The following CACNA1C variants were observed in gnomAD, a reference collection of about 807,000 sequenced individuals.
CACNA1C encodes the protein calcium voltage-gated channel subunit alpha1 C, also known as voltage-dependent L-type calcium channel subunit alpha-1C.
A neutral mutation model predicts 229.0 loss-of-function variants in CACNA1C; 30 were observed. The ratio of observed to expected loss-of-function variants is 0.13; its 90% CI spans 0.10 to 0.18. The LOEUF (loss-of-function observed/expected upper bound fraction) is 0.18, where lower values mean the gene tolerates loss of function less well. CACNA1C is among the 10% of genes least tolerant of loss of function. CACNA1C has a pLI of 1.00. For missense variants in CACNA1C, 1,658 were observed against 2,845.0 expected (o/e 0.58, Z 9.49); for synonymous variants, 1,114 against 1,132.5 (o/e 0.98, Z 0.33).
At chr12:2,169,668 A>G (rs1597964196) in intron 3 of CACNA1C, among the ~76,000 whole-genome samples, 1 of 152,192 alleles carries the variant, frequency 6.6e-6, no homozygotes, top group African/African-American at 2.4e-5. Context: ...CACGGCTGGC[A>G]TTTGCCAGCC....
Position 2,619,398 on chromosome 12 carries a change from G to A in CACNA1C, c.3828+7385G>A, listed in dbSNP as rs568380510. On this transcript the variant is annotated intron_variant, in intron 29 of 46. Transcript: ENST00000399655. ...CAAAGGAACTTCACCTCCAGCCTGG[G>A]TGTGCCCTCTTGTCTGTGACCATTT... Among the ~76,000 whole-genome samples the A allele has an allele frequency of 5.9e-4, 90 of 152,324 alleles. 1 individual carries two copies. The highest frequency in any genetic ancestry group is 2.1e-3 in the African/African-American group (89 of 41,574).
In CACNA1C at chr12:2,610,688, C is replaced by T. The variant is rs1032468475; in HGVS notation, c.3706C>T (p.Leu1236=). The change falls in exon 28 of 47, where the codon CTG becomes TTG. Residue 1236 remains leucine (L), a synonymous_variant. Transcript: ENST00000399655. The stretch of plus-strand genomic sequence containing the variant: ...CCTCATCCTGCTCAACACCATCTGC[C>T]TGGCCATGCAGGTCAGTCCCAGGAG... The part of the protein sequence containing the change: ...FVLILLNTIC[L]AMQHYGQSCL... 6.2e-7 allele frequency: 1 copy of T among 1,614,232 alleles called. No individual in the cohort carries two copies.
intron 3 of CACNA1C, among the ~76,000 whole-genome samples, chr12:2,128,594 G>T (rs1275515399): frequency 6.6e-6 from 1 of 152,088 alleles, no homozygotes; most frequent in East Asian, 1.9e-4. Context: ...TGTATTTTTA[G>T]TAGAGACGGG....
chr12:2,278,302 C>G (rs549824531), intron 3 of CACNA1C, among the ~76,000 whole-genome samples: 92 of 152,338 alleles, frequency 6.0e-4, no homozygotes, highest in Non-Finnish European at 1.1e-3. Flanking sequence ...GCACATATTT[C>G]AACTGTATAC....
intron 3 of CACNA1C, among the ~76,000 whole-genome samples, chr12:2,229,854 G>A (rs1285785512): frequency 6.6e-6 from 1 of 152,194 alleles, no homozygotes; most frequent in Non-Finnish European, 1.5e-5. Flanking sequence ...GGGCGTTGCA[G>A]GCCACGGTGA....
intron 5 of CACNA1C, among the ~76,000 whole-genome samples, chr12:2,480,418 C>T (rs902998564): frequency 3.3e-5 from 5 of 152,220 alleles, no homozygotes. Flanking sequence ...TTCTTTAAGG[C>T]TCTTCACAGA....
At position 2,566,696 on chromosome 12, in the gene CACNA1C, G is replaced by T; in HGVS notation, c.1669+114G>T. The T allele has an allele frequency of 1.1e-6, 1 of 883,058 alleles. No homozygotes were observed. Among genetic ancestry groups the T allele is most frequent in the Non-Finnish European group, 1.7e-6 (1 of 584,840 alleles). The allele number at this position is 883,058 out of a possible 1,614,324, so 54.7% of individuals were successfully genotyped here. A position where few individuals can be genotyped will look rare whatever the true frequency, so the allele number is the denominator to read the frequency against. ...GAGGGGAAAGCAGCCAATGGTCGGG[G>T]CTCTTGGCAGGTGCTGTGCTGGAGA... On this transcript the variant is annotated intron_variant, in intron 12 of 46. Transcript: ENST00000399655. This position sits in a 1 kb window ranked among gnomAD's most constrained non-coding sequence, Gnocchi z 4.0.
At chr12:2,437,029 G>A (rs191586127) in intron 3 of CACNA1C, among the ~76,000 whole-genome samples, 4 of 152,346 alleles carry the variant, frequency 2.6e-5, no homozygotes, top group African/African-American at 7.2e-5. Flanking sequence ...GTGCTTTTGT[G>A]CTGGTATGCC....
chr12:2,625,461 G>GTGCTTCCGGCCC (rs1044175857), intron 29 of CACNA1C, among the ~76,000 whole-genome samples: 1 of 152,224 alleles, frequency 6.6e-6, no homozygotes, highest in African/African-American at 2.4e-5. Context: ...GGTGCTGCCA[G>GTGCTTCCGGCCC]TGCTTCCGGC....
chr12:2,646,791 T>TGTGTGTGTGCGC lies in CACNA1C; in HGVS notation c.3913-1674_3913-1663dup, dbSNP rs2094420612. ...GAAAGAGAGAGAGAGAGAGAGAGAG[T>TGTGTGTGTGCGC]GTGTGTGTGCGCGTGTGTGTGTCTG... On this transcript the variant is annotated intron_variant, in intron 30 of 46. Coordinates refer to ENST00000399655, the MANE Select transcript of CACNA1C (RefSeq NM_000719.7). The surrounding 1 kb of genome is among the most constrained non-coding windows in gnomAD (Gnocchi z 4.6). Among the ~76,000 whole-genome samples, 3 of 99,146 alleles carry TGTGTGTGTGCGC rather than the reference T, an allele frequency of 3.0e-5. No homozygotes were observed. Among genetic ancestry groups the TGTGTGTGTGCGC allele is most frequent in the Admixed American group, 1.1e-4 (1 of 9,064 alleles). 65.0% of individuals were successfully genotyped at this position (99,146 alleles called of 152,430 possible).
intron 3 of CACNA1C, among the ~76,000 whole-genome samples, chr12:2,278,549 G>T (rs2089853062): frequency 1.3e-5 from 2 of 152,098 alleles, no homozygotes. Context: ...TTATTTTGAG[G>T]TTTACACATG....
chr12:2,286,705 A>G (rs939371088), intron 3 of CACNA1C, among the ~76,000 whole-genome samples: 2 of 152,128 alleles, frequency 1.3e-5, no homozygotes, highest in Non-Finnish European at 1.5e-5. Context: ...GGAGACAAAC[A>G]AGAAACAATG....
intron 3 of CACNA1C, among the ~76,000 whole-genome samples, chr12:2,194,166 C>T (rs972164261): frequency 7.3e-5 from 11 of 150,928 alleles, no homozygotes; most frequent in African/African-American, 2.7e-4. Flanking sequence ...TAGTGCTTCT[C>T]CTCCTGTTCC....
At chr12:2,439,218 G>T (rs2099190554) in intron 3 of CACNA1C, among the ~76,000 whole-genome samples, 1 of 152,204 alleles carries the variant, frequency 6.6e-6, no homozygotes, top group South Asian at 2.1e-4. Context: ...GCAGGTGGCT[G>T]GCCTGGGTGG....
At chr12:2,470,877 T>C (rs1340191539) in intron 5 of CACNA1C, among the ~76,000 whole-genome samples, 1 of 151,894 alleles carries the variant, frequency 6.6e-6, no homozygotes, top group East Asian at 1.9e-4. Context: ...TCGATCTGTC[T>C]CCCAGGCTGC....
chr12:2,108,281 G>A lies in CACNA1C; in HGVS notation c.50-6943G>A, dbSNP rs1391490926. 6.6e-6 allele frequency among the ~76,000 whole-genome samples: 1 copy of A among 152,220 alleles called. No homozygotes were observed. The highest frequency in any genetic ancestry group is 1.5e-5 in the Non-Finnish European group (1 of 68,044). On this transcript the variant is annotated intron_variant, in intron 1 of 46. Coordinates refer to ENST00000399655, the MANE Select transcript of CACNA1C (RefSeq NM_000719.7). The surrounding 1 kb of genome is among the most constrained non-coding windows in gnomAD (Gnocchi z 5.3). ...AGCAGGCTTTAGGCCGGGTCTGTGG[G>A]AATGATTCCCAAAACAGTGCTGCAG...
At position 2,285,170 on chromosome 12, in the gene CACNA1C, G is replaced by A. The variant is rs1219037020; in HGVS notation, c.478-163806G>A. Among the ~76,000 whole-genome samples, 1 of 152,146 alleles carries A rather than the reference G, an allele frequency of 6.6e-6. No individual in the cohort carries two copies. The highest frequency in any genetic ancestry group is 1.5e-5 in the Non-Finnish European group (1 of 68,028). ...CTGTTTCTCTCCATTCCATCCCTGC[G>A]TGTTACCTAGCAGGAATTTCCTCTT... is the stretch of plus-strand genomic sequence containing the variant. On this transcript the variant is annotated intron_variant, in intron 3 of 46. Coordinates refer to ENST00000399655, the MANE Select transcript of CACNA1C (RefSeq NM_000719.7). This position sits in a 1 kb window ranked among gnomAD's most constrained non-coding sequence, Gnocchi z 4.2.
At chr12:2,668,128 T>TCTTCTC (rs1556005802) in intron 37 of CACNA1C, among the ~76,000 whole-genome samples, 1 of 151,794 alleles carries the variant, frequency 6.6e-6, no homozygotes, top group Non-Finnish European at 1.5e-5. Flanking sequence ...ATCCTTTCTC[T>TCTTCTC]TCTCTGGGCT....
intron 3 of CACNA1C, among the ~76,000 whole-genome samples, chr12:2,124,132 G>GTGTC (rs1396051304): frequency 3.3e-5 from 5 of 151,616 alleles, no homozygotes; most frequent in Admixed American, 2.0e-4. Context: ...GTGTGTGTGT[G>GTGTC]TGTGTGTGTG....
Sources: gnomAD v4.1 joint callset for allele counts (sites outside exome capture counted in the v4.1 genomes callset) on GRCh38, gnomAD v4.1.1 for gene constraint, Gnocchi (gnomAD v3.1) non-coding constraint, MANE v1.5 for transcripts, NCBI Gene and HGNC (gene_info 2026-07-23, HGNC 2026-07-21) for gene names.